FRRS1: variants seen among roughly 807,000 people sequenced by gnomAD.
FRRS1 encodes ferric reductase 1.
FRRS1 carries 51 observed loss-of-function variants against 70.7 expected under a neutral mutation model. The observed-to-expected ratio is 0.72, with a 90% CI of 0.58 to 0.91. The LOEUF is 0.91. Ranked by LOEUF, FRRS1 falls within the 40% of genes least tolerant of loss-of-function variation. The pLI is 0.00. For missense variants in FRRS1, 672 were observed against 726.0 expected (o/e 0.93, Z 0.86); for synonymous variants, 225 against 238.7 (o/e 0.94, Z 0.53).
rs191486738 is a variant in FRRS1, at chr1:99,757,780, C to T, written c.-105-8779G>A. On this transcript the variant is annotated intron_variant, in intron 1 of 16. Transcript: ENST00000646001. ...GGCATTATTTTCTTTTATTTTGGCACAAGTGCAATATATTTTAATTAATTT... is the reference window on the plus strand; with the variant it reads ...GGCATTATTTTCTTTTATTTTGGCATAAGTGCAATATATTTTAATTAATTT... 4.6e-5 allele frequency among the ~76,000 whole-genome samples: 7 copies of T among 151,994 alleles called. No homozygotes were observed. The East Asian group carries it at 1.2e-3, about 25-fold the overall frequency.
intron 7 of FRRS1, among the ~76,000 whole-genome samples, chr1:99,734,334 G>A (rs986798620): frequency 7.9e-5 from 12 of 152,156 alleles, no homozygotes. Flanking sequence ...GAATGTCCAT[G>A]TTCTTAGAAG....
At chr1:99,715,198 G>A (rs867503795) in intron 12 of FRRS1, among the ~76,000 whole-genome samples, 1 of 152,086 alleles carries the variant, frequency 6.6e-6, no homozygotes, top group African/African-American at 2.4e-5. Context: ...ACTTAGCACC[G>A]CTGGGTACTG....
In FRRS1 at chr1:99,712,157, T is replaced by C. The variant is rs1445109331; in HGVS notation, c.1428A>G (p.Gln476=). ...FRPPLHDPRR[Q]MFNWTHWSMG... ...TACTCCAATGAGTCCAGTTAAACAT[T>C]TGCCTTCTACCAAAATAAGAACCAG... Residue 476 remains glutamine (Q), a synonymous_variant, in exon 14 of 17, where the codon CAA becomes CAG. Transcript: ENST00000646001. The C allele has an allele frequency of 1.2e-6, 2 of 1,608,162 alleles. No homozygotes were observed. Among genetic ancestry groups the C allele is most frequent in the Non-Finnish European group, 1.7e-6 (2 of 1,175,276 alleles).
rs1654239041 is a variant in FRRS1 at position 99,710,860 on chromosome 1, G to A, written c.1570C>T (p.His524Tyr). The change falls in exon 15 of 17, where the codon CAT becomes TAT. Residue 524 changes from histidine (H) to tyrosine (Y), a missense_variant. By Grantham distance (83) the His-to-Tyr change is moderately conservative. Coordinates refer to ENST00000646001, the MANE Select transcript of FRRS1 (RefSeq NM_001361041.2). Reference protein sequence around the residue: ...TYAMTGFVAWHVGTEVVLEVH... With the variant: ...TYAMTGFVAWYVGTEVVLEVH... The stretch of plus-strand genomic sequence containing the variant: ...TCCAGAACAACCTCAGTCCCAACAT[G>A]CCAGGCTACGAATCCGGTCATTGCA... 6.2e-7 allele frequency: 1 copy of A among 1,613,992 alleles called. No individual in the cohort carries two copies.
intron 1 of FRRS1, among the ~76,000 whole-genome samples, chr1:99,760,287 G>A (rs903710702): frequency 6.6e-6 from 1 of 152,142 alleles, no homozygotes; most frequent in Non-Finnish European, 1.5e-5. Context: ...ATTTTTGCAT[G>A]TTTCTTGCAT....
Position 99,751,201 on chromosome 1 carries a change from T to TA in FRRS1, c.-105-2201dup, listed in dbSNP as rs145907207. ...CCTGGGGCCTTAAAACCACAGGACT[T>TA]ACACCAGCAATCCTTTCCCCAACCC... On this transcript the variant is annotated intron_variant, in intron 1 of 16. Transcript: ENST00000646001. Among the ~76,000 whole-genome samples, 159 of 152,232 alleles carry TA rather than the reference T, an allele frequency of 1.0e-3. 1 individual carries two copies. In the East Asian group the frequency reaches 0.022, roughly 21 times the overall value.
At chr1:99,712,929 TCCACAATTACTTTTGCA>T (rs1427030697) in intron 12 of FRRS1, among the ~76,000 whole-genome samples, 1 of 152,138 alleles carries the variant, frequency 6.6e-6, no homozygotes, top group African/African-American at 2.4e-5. Context: ...AGTATTTTAA[TCCACAATTACTTTTGCA>T]CCAACCTAAT....
chr1:99,728,266 AT>A (rs143192259), intron 9 of FRRS1, among the ~76,000 whole-genome samples: 5,385 of 152,224 alleles, frequency 0.035, 298 homozygotes, highest in African/African-American at 0.12. Flanking sequence ...ATCAGAAGCC[AT>A]TTTTGTCTTG....
At chr1:99,729,820 G>T (rs1053481488) in intron 7 of FRRS1, 72 bp from the exon 8 acceptor site, 3 of 976,834 alleles carry the variant, frequency 3.1e-6, no homozygotes, top group Admixed American at 2.1e-5. Flanking sequence ...TTTTAAAAAA[G>T]TACATCAGGA....
intron 1 of FRRS1, among the ~76,000 whole-genome samples, chr1:99,762,568 A>G (rs1657163117): frequency 6.6e-6 from 1 of 151,324 alleles, no homozygotes; most frequent in East Asian, 2.0e-4. Flanking sequence ...AAATCTTTCA[A>G]TTGCTCCACC....
Position 99,747,303 on chromosome 1 carries a change from T to C in FRRS1, c.324A>G (p.Glu108=), listed in dbSNP as rs1238801133. 3 of 1,613,170 alleles carry C rather than the reference T, an allele frequency of 1.9e-6. No individual in the cohort carries two copies. The South Asian group carries it at 3.3e-5, about 18-fold the overall frequency. ...AACTCTAAACACAAACCTGTATATC[T>C]TCACAGGTCAAAAGTTGTGACACTT... is the stretch of plus-strand genomic sequence containing the variant. ...DSEVSQLLTC[E]DIQGSAVSHR... Residue 108 remains glutamate, a synonymous_variant, in exon 4 of 17, where the codon GAA becomes GAG. Coordinates refer to ENST00000646001, the MANE Select transcript of FRRS1 (RefSeq NM_001361041.2).
At chr1:99,745,876 G>A (rs1487080161) in intron 4 of FRRS1, among the ~76,000 whole-genome samples, 2 of 152,020 alleles carry the variant, frequency 1.3e-5, no homozygotes, top group East Asian at 3.9e-4. Flanking sequence ...TGTAAAATGT[G>A]GCACCTCCCC....
chr1:99,706,239 AT>A lies in FRRS1; in HGVS notation c.*2788del, dbSNP rs1553169214. On this transcript the variant is annotated 3_prime_UTR_variant, in exon 17 of 17. Coordinates refer to ENST00000646001, the MANE Select transcript of FRRS1 (RefSeq NM_001361041.2). ...CCTTCTCTACCAAAAAAAAAAAAAA[AT>A]TTTTTTTTAATTAGCTGGCTGTGGT... is the stretch of plus-strand genomic sequence containing the variant. Among the ~76,000 whole-genome samples, 2 of 150,312 alleles carry A rather than the reference AT, an allele frequency of 1.3e-5. No individual in the cohort carries two copies. Among genetic ancestry groups the A allele is most frequent in the Non-Finnish European group, 3.0e-5 (2 of 67,546 alleles).
chr1:99,714,947 G>T (rs1654447561), intron 12 of FRRS1, among the ~76,000 whole-genome samples: 1 of 152,098 alleles, frequency 6.6e-6, no homozygotes, highest in Non-Finnish European at 1.5e-5. Context: ...ATAAAGATTT[G>T]GGAATAAGCA....
intron 11 of FRRS1, 76 bp downstream of exon 11, chr1:99,717,334 C>T (rs1553170243): frequency 2.1e-6 from 2 of 960,726 alleles, no homozygotes; most frequent in Admixed American, 1.7e-5. Context: ...TACACATACA[C>T]ACATACTTCA....
At chr1:99,762,760 C>T (rs1161797073) in intron 1 of FRRS1, among the ~76,000 whole-genome samples, 1 of 152,166 alleles carries the variant, frequency 6.6e-6, no homozygotes, top group Non-Finnish European at 1.5e-5. Context: ...ATTTCAAACC[C>T]CGAACTCTCA....
chr1:99,747,145 G>T (rs1356262514), intron 4 of FRRS1, 149 bp downstream of exon 4: 13 of 558,978 alleles, frequency 2.3e-5, no homozygotes, highest in Admixed American at 2.1e-4. Flanking sequence ...TCAACTATTT[G>T]TTATCAGTAA....
chr1:99,764,007 C>CGTTATATATA (rs1431306010), intron 1 of FRRS1, among the ~76,000 whole-genome samples: 9 of 152,074 alleles, frequency 5.9e-5, no homozygotes, highest in African/African-American at 1.9e-4. Context: ...TATACCCAAA[C>CGTTATATATA]TATATAATAC....
At chr1:99,752,450 G>A (rs1047544535) in intron 1 of FRRS1, among the ~76,000 whole-genome samples, 1 of 152,202 alleles carries the variant, frequency 6.6e-6, no homozygotes, top group Non-Finnish European at 1.5e-5. Flanking sequence ...AGGAGAAGGA[G>A]AGAGATTGGA....
Sources: allele counts gnomAD v4.1 joint callset (sites outside exome capture counted in the v4.1 genomes callset), GRCh38; gene constraint gnomAD v4.1.1; transcripts MANE v1.5; gene names NCBI Gene and HGNC (gene_info 2026-07-23, HGNC 2026-07-21).